The following MCPH1 variants were observed in gnomAD, a reference collection of about 807,000 sequenced individuals.
The protein encoded by MCPH1 is microcephalin 1.
A neutral mutation model predicts 84.5 loss-of-function variants in MCPH1; 104 were observed. The observed-to-expected ratio is 1.23, with a 90% CI of 1.05 to 1.45. The LOEUF (loss-of-function observed/expected upper bound fraction) is 1.45. MCPH1 is among the 40% of genes most tolerant of loss of function. The pLI is 0.00. For synonymous variants in MCPH1, 514 were observed against 366.8 expected, an observed-to-expected ratio of 1.40 and a Z score of -4.58; for missense variants, 1,498 against 1,005.7, an observed-to-expected ratio of 1.49 and a Z score of -6.62.
chr8:6,536,563 A>G (rs766989805), intron 12 of MCPH1, among the ~76,000 whole-genome samples: 12 of 152,212 alleles, frequency 7.9e-5, no homozygotes, highest in Non-Finnish European at 1.2e-4. Flanking sequence ...TGCCAATTCT[A>G]TCTTCTGGGA....
chr8:6,514,292 C>T (rs1169442454), intron 12 of MCPH1, among the ~76,000 whole-genome samples: 3 of 152,150 alleles, frequency 2.0e-5, no homozygotes, highest in African/African-American at 2.4e-5. Context: ...CAGGTTCAAG[C>T]GATTCTCCTG....
rs968612752 is a variant in MCPH1, at chr8:6,645,668, T to C, written c.*2619T>C. Reference sequence around the variant, plus strand: ...TAACAAGTTTAGCAAGATTGCAATATACAATCTTGCAATCTTCCTAAAGAT... The same window carrying C: ...TAACAAGTTTAGCAAGATTGCAATACACAATCTTGCAATCTTCCTAAAGAT... On this transcript the variant is annotated 3_prime_UTR_variant, in exon 14 of 14. Transcript: ENST00000344683. 1 of 139,862 alleles carries C rather than the reference T, an allele frequency of 7.1e-6. No individual in the cohort carries two copies. The highest frequency in any genetic ancestry group is 2.7e-5 in the African/African-American group (1 of 36,926). The allele number at this position is 139,862 out of a possible 1,614,324, so 8.7% of individuals were successfully genotyped here. A position where few individuals can be genotyped will look rare whatever the true frequency, so the allele number is the denominator to read the frequency against.
intron 12 of MCPH1, among the ~76,000 whole-genome samples, chr8:6,526,613 A>T (rs1204080698): frequency 6.6e-6 from 1 of 152,246 alleles, no homozygotes. Context: ...TAAACTTGGT[A>T]TCCAAAGGAC....
chr8:6,457,948 C>A (rs2129557115), intron 9 of MCPH1, among the ~76,000 whole-genome samples: 1 of 152,230 alleles, frequency 6.6e-6, no homozygotes, highest in African/African-American at 2.4e-5. Context: ...GCTGCCTGGC[C>A]CCAAGCCAGA....
At chr8:6,478,802 C>G (rs1808809836) in intron 10 of MCPH1, among the ~76,000 whole-genome samples, 1 of 152,122 alleles carries the variant, frequency 6.6e-6, no homozygotes, top group African/African-American at 2.4e-5. Flanking sequence ...TTTCTTGACT[C>G]AAGCACACAT....
chr8:6,529,099 T>C (rs2442608), intron 12 of MCPH1, among the ~76,000 whole-genome samples: 71,417 of 152,076 alleles, frequency 0.47, 17,124 homozygotes, highest in African/African-American at 0.56. Flanking sequence ...AAGGATGGCA[T>C]ATAAGTCATG....
chr8:6,636,062 G>T (rs1797527573), intron 13 of MCPH1, among the ~76,000 whole-genome samples: 1 of 152,218 alleles, frequency 6.6e-6, no homozygotes, highest in African/African-American at 2.4e-5. Flanking sequence ...GTCACGGGCA[G>T]GCACGGTGGC....
At chr8:6,577,110 GCACAGGAGGC>G (rs1827189174) in intron 12 of MCPH1, among the ~76,000 whole-genome samples, 1 of 152,164 alleles carries the variant, frequency 6.6e-6, no homozygotes, top group Admixed American at 6.5e-5. Flanking sequence ...GGTTCCTGCT[GCACAGGAGGC>G]CAGGGTGCTG....
Position 6,449,931 on chromosome 8 carries a change from G to C in MCPH1, c.1825+4384G>C, listed in dbSNP as rs146128327. ...GAACTAGTGCACAGCTTGGCTTCTA[G>C]TTGCTTTTCACGAAGGAGACACAGT... On this transcript the variant is annotated intron_variant, in intron 8 of 13. Transcript: ENST00000344683. 2.6e-3 allele frequency among the ~76,000 whole-genome samples: 390 copies of C among 152,314 alleles called. 1 individual carries two copies. Among genetic ancestry groups the C allele is most frequent in the African/African-American group, 8.7e-3 (361 of 41,576 alleles).
intron 13 of MCPH1, chr8:6,625,760 G>C (rs949106642): frequency 1.2e-5 from 12 of 980,402 alleles, no homozygotes; most frequent in Non-Finnish European, 1.5e-5. Flanking sequence ...CTCCAGCCTA[G>C]GCAACAGAGC....
chr8:6,592,266 C>G (rs535249826), intron 12 of MCPH1, among the ~76,000 whole-genome samples: 4 of 152,168 alleles, frequency 2.6e-5, no homozygotes, highest in African/African-American at 9.6e-5. Context: ...ATCCTCCCAC[C>G]TCAGCCTCCC....
intron 9 of MCPH1, among the ~76,000 whole-genome samples, chr8:6,456,338 G>A (rs2922821): frequency 0.27 from 41,181 of 152,066 alleles, 7,377 homozygotes; most frequent in African/African-American, 0.51. Flanking sequence ...CCTGCTCAGC[G>A]CGCTGCCTCC....
chr8:6,642,683 G>A, intron 13 of MCPH1: 2 of 449,468 alleles, frequency 4.4e-6, no homozygotes, highest in Non-Finnish European at 8.2e-6. Flanking sequence ...GTCACAGACT[G>A]GCAAGCTTCC....
At chr8:6,433,314 C>T (rs756146258) in intron 4 of MCPH1, among the ~76,000 whole-genome samples, 1 of 151,976 alleles carries the variant, frequency 6.6e-6, no homozygotes, top group Non-Finnish European at 1.5e-5. Context: ...TTGATTTTAC[C>T]AGCTCCACCA....
intron 2 of MCPH1, among the ~76,000 whole-genome samples, chr8:6,411,546 G>T (rs185747323): frequency 4.1e-4 from 63 of 152,302 alleles, no homozygotes; most frequent in African/African-American, 1.5e-3. Context: ...AAAATTGTGT[G>T]TTGAAGTTGC....
At chr8:6,535,081 A>T (rs1425859081) in intron 12 of MCPH1, among the ~76,000 whole-genome samples, 1 of 152,160 alleles carries the variant, frequency 6.6e-6, no homozygotes, top group Non-Finnish European at 1.5e-5. Context: ...TTAAGCCCAT[A>T]CTCAGAAATA....
intron 2 of MCPH1, among the ~76,000 whole-genome samples, chr8:6,413,491 A>G (rs1798821698): frequency 6.6e-6 from 1 of 151,288 alleles, no homozygotes; most frequent in Admixed American, 6.6e-5. Flanking sequence ...TATTTTCTCC[A>G]TTTTGTGTAT....
intron 1 of MCPH1, among the ~76,000 whole-genome samples, chr8:6,407,946 A>G (rs1488982237): frequency 6.6e-6 from 1 of 152,218 alleles, no homozygotes; most frequent in Non-Finnish European, 1.5e-5. Flanking sequence ...ATAAAGTTTT[A>G]TTGGAACACA....
At chr8:6,547,178 C>G (rs890501562) in intron 12 of MCPH1, among the ~76,000 whole-genome samples, 3 of 151,970 alleles carry the variant, frequency 2.0e-5, no homozygotes, top group African/African-American at 4.8e-5. Context: ...CTCACTTGCT[C>G]TAAGGTGAAC....
Sources: gnomAD v4.1 joint callset for allele counts (sites outside exome capture counted in the v4.1 genomes callset) on GRCh38, gnomAD v4.1.1 for gene constraint, MANE v1.5 for transcripts, NCBI Gene and HGNC (gene_info 2026-07-23, HGNC 2026-07-21) for gene names.